FANCA: variants seen among roughly 807,000 people sequenced by gnomAD.
FANCA encodes Fanconi anemia group A protein.
In FANCA, 236 loss-of-function variants were observed where a neutral mutation model predicts 194.3. The observed-to-expected ratio is 1.21, with a 90% confidence interval of 1.09 to 1.35. The LOEUF (loss-of-function observed/expected upper bound fraction) is 1.35, where lower values mean the gene tolerates loss of function less well. FANCA is among the 40% of genes most tolerant of loss of function. The pLI is 0.00. For synonymous variants in FANCA, 1,014 were observed against 715.8 expected (o/e 1.42, Z -6.65); for missense variants, 2,628 against 1,813.9 (o/e 1.45, Z -8.15).
Position 89,779,084 on chromosome 16 carries a change from G to A in FANCA, c.1716-81C>T, listed in dbSNP as rs983166782. 5.1e-6 allele frequency: 7 copies of A among 1,359,958 alleles called. No individual in the cohort carries two copies. The African/African-American group carries it at 7.2e-5, about 14-fold the overall frequency. 84.2% of individuals were successfully genotyped at this position (1,359,958 alleles called of 1,614,324 possible). A position where few individuals can be genotyped will look rare whatever the true frequency, so the allele number is the denominator to read the frequency against. The stretch of plus-strand genomic sequence containing the variant: ...CACAGACGGTGACCGGTGTTTCAGA[G>A]AGTGGACTGCGAGGGCTCACTCCAA... On this transcript the variant is annotated intron_variant, in intron 18 of 42. Transcript: ENST00000389301.
Position 89,738,544 on chromosome 16 carries a change from A to G in FANCA, c.*57T>C, listed in dbSNP as rs2062026108. ...TTTAGTGCAACAAGAGCTCCATGTTATGCTTGTAATAAATTATTTACACGG... is the reference window on the plus strand; with the variant it reads ...TTTAGTGCAACAAGAGCTCCATGTTGTGCTTGTAATAAATTATTTACACGG... On this transcript the variant is annotated 3_prime_UTR_variant, in exon 43 of 43. Transcript: ENST00000389301. 6 of 1,610,402 alleles carry G rather than the reference A, an allele frequency of 3.7e-6. No individual in the cohort carries two copies. Among genetic ancestry groups the G allele is most frequent in the Non-Finnish European group, 5.1e-6 (6 of 1,178,558 alleles).
chr16:89,786,166 G>C lies in FANCA; in HGVS notation c.1360-1202C>G, dbSNP rs994653553. Reference sequence around the variant, plus strand: ...CCCAAGTAGCTGGGACTACAAGCACGTGCCACCAAGCCCGGTTTTTTTTTT... The same window carrying C: ...CCCAAGTAGCTGGGACTACAAGCACCTGCCACCAAGCCCGGTTTTTTTTTT... On this transcript the variant is annotated intron_variant, in intron 14 of 42. Coordinates refer to ENST00000389301, the MANE Select transcript of FANCA (RefSeq NM_000135.4). Among the ~76,000 whole-genome samples the C allele has an allele frequency of 5.7e-5, 8 of 141,332 alleles. No individual in the cohort carries two copies. In the East Asian group the frequency reaches 1.9e-3, roughly 33 times the overall value. The allele number at this position is 141,332 out of a possible 152,430, so 92.7% of individuals were successfully genotyped here. A position where few individuals can be genotyped will look rare whatever the true frequency, so the allele number is the denominator to read the frequency against.
chr16:89,789,899 G>A lies in FANCA; in HGVS notation c.1359+1504C>T, dbSNP rs568374349. Among the ~76,000 whole-genome samples the A allele has an allele frequency of 1.1e-4, 17 of 152,216 alleles. No homozygotes were observed. The South Asian group carries it at 3.3e-3, about 30-fold the overall frequency. Reference sequence around the variant, plus strand: ...ACAGGGGTTGCCCAGGGATCCCTGAGGTCTCAGGAGCTCAGACTCAGTAGT... The same window carrying A: ...ACAGGGGTTGCCCAGGGATCCCTGAAGTCTCAGGAGCTCAGACTCAGTAGT... On this transcript the variant is annotated intron_variant, in intron 14 of 42. Transcript: ENST00000389301.
Position 89,799,573 on chromosome 16 carries a change from T to C in FANCA, c.826+32A>G, listed in dbSNP as rs1179992490. 3.7e-6 allele frequency: 6 copies of C among 1,604,326 alleles called. No individual in the cohort carries two copies. The African/African-American group carries it at 8.0e-5, about 21-fold the overall frequency. Reference sequence around the variant, plus strand: ...ATTGCTAATAAGCAAACTAAGTCATTTACAGTCTGGGCTGCAGTGCAATTA... The same window carrying C: ...ATTGCTAATAAGCAAACTAAGTCATCTACAGTCTGGGCTGCAGTGCAATTA... On this transcript the variant is annotated intron_variant, in intron 9 of 42. Coordinates refer to ENST00000389301, the MANE Select transcript of FANCA (RefSeq NM_000135.4).
At position 89,815,973 on chromosome 16, in the gene FANCA, C is replaced by G. The variant is rs759630319; in HGVS notation, c.93G>C (p.Lys31Asn). Residue 31 changes from lysine to asparagine, a missense_variant, in exon 2 of 43, where the codon AAG (lysine) becomes AAC (asparagine). Transcript: ENST00000389301. ...CCCTTTCAGGATTATATTTTTCCCTCTTGACCCTTCCCGCTACGGAGAGAA... is the reference window on the plus strand; with the variant it reads ...CCCTTTCAGGATTATATTTTTCCCTGTTGACCCTTCCCGCTACGGAGAGAA... ...AWAELLAGRV[K>N]REKYNPERAQ... 20 of 1,613,650 alleles carry G rather than the reference C, an allele frequency of 1.2e-5. No individual in the cohort carries two copies. In the East Asian group the frequency reaches 4.0e-4, roughly 32 times the overall value.
chr16:89,798,420 A>G (rs17226040), intron 10 of FANCA: 28 of 1,080,346 alleles, frequency 2.6e-5, no homozygotes, highest in Non-Finnish European at 3.2e-5. Flanking sequence ...AACACATTTA[A>G]TTGAGCAGTT....
At position 89,815,821 on chromosome 16, in the gene FANCA, G is replaced by A; in HGVS notation, c.189+56C>T. 3.0e-6 allele frequency: 4 copies of A among 1,328,208 alleles called. No individual in the cohort carries two copies. In the South Asian group the frequency reaches 3.5e-5, roughly 12 times the overall value. The allele number at this position is 1,328,208 out of a possible 1,614,324, so 82.3% of individuals were successfully genotyped here. A position where few individuals can be genotyped will look rare whatever the true frequency, so the allele number is the denominator to read the frequency against. On this transcript the variant is annotated intron_variant, in intron 2 of 42. Coordinates refer to ENST00000389301, the MANE Select transcript of FANCA (RefSeq NM_000135.4). Reference sequence around the variant, plus strand: ...TCTTAGGAAAGCTGTGCGGTGGCTGGACTCAAAAACCCCGAACCTAAATCT... The same window carrying A: ...TCTTAGGAAAGCTGTGCGGTGGCTGAACTCAAAAACCCCGAACCTAAATCT...
chr16:89,750,955 C>A (rs1220666570), intron 31 of FANCA, among the ~76,000 whole-genome samples: 2 of 152,188 alleles, frequency 1.3e-5, no homozygotes, highest in African/African-American at 4.8e-5. Flanking sequence ...TGCGGCAGTG[C>A]AGTCTTGGCT....
rs1040814415 is a variant in FANCA, at chr16:89,740,528, C to A, written c.3828+276G>T. On this transcript the variant is annotated intron_variant, in intron 38 of 42. Transcript: ENST00000389301. ...ACTCACGCCTGTAATCCCAGCTACTCGGGAGGCTGATGCAGGAGAATTGCT... is the reference window on the plus strand; with the variant it reads ...ACTCACGCCTGTAATCCCAGCTACTAGGGAGGCTGATGCAGGAGAATTGCT... 4 of 502,584 alleles carry A rather than the reference C, an allele frequency of 8.0e-6. No homozygotes were observed. The Admixed American group carries it at 1.4e-4, about 18-fold the overall frequency. The allele number at this position is 502,584 out of a possible 1,614,324, so 31.1% of individuals were successfully genotyped here.
intron 14 of FANCA, among the ~76,000 whole-genome samples, chr16:89,790,214 C>T (rs1295579815): frequency 6.6e-6 from 1 of 151,584 alleles, no homozygotes; most frequent in Non-Finnish European, 1.5e-5. Context: ...CCAGCCTGAC[C>T]AACATGATGA....
chr16:89,775,856 T>G (rs1189289694), intron 20 of FANCA, 41 bp from the exon 21 acceptor site: 1 of 1,326,708 alleles, frequency 7.5e-7, no homozygotes, highest in Admixed American at 1.8e-5. Context: ...CAGCTATGGC[T>G]TAAATTAATT....
In FANCA at chr16:89,740,051, C is replaced by T. The variant is rs1015729981; in HGVS notation, c.3877G>A (p.Glu1293Lys). 8.1e-6 allele frequency: 13 copies of T among 1,614,170 alleles called. No individual in the cohort carries two copies. The highest frequency in any genetic ancestry group is 4.5e-5 in the East Asian group (2 of 44,880). ...GATATCTTCCTCTTCTCTAAACACT[C>T]GAGGATTGCTGCACAAACGTGGAAA... ...KAFHVCAAIL[E>K]CLEKRKISWL... The change falls in exon 39 of 43, where the codon GAG becomes AAG. Residue 1293 changes from glutamate (E) to lysine (K), a missense_variant. By Grantham distance (56) the Glu-to-Lys change is moderately conservative. Coordinates refer to ENST00000389301, the MANE Select transcript of FANCA (RefSeq NM_000135.4).
intron 13 of FANCA, 93 bp from the exon 14 acceptor site, chr16:89,791,629 G>C: frequency 1.9e-6 from 3 of 1,547,154 alleles, no homozygotes; most frequent in Non-Finnish European, 2.6e-6. Flanking sequence ...ATTCCAGAAG[G>C]AGACTGTGCA....
rs2062009705 is a variant in FANCA at position 89,738,116 on chromosome 16, A to C, written c.*485T>G. ...GAGAAGGCCCACAACCTCAATGTAC[A>C]CATGTCCATGGTGCACCCGCTGACA... On this transcript the variant is annotated 3_prime_UTR_variant, in exon 43 of 43. Coordinates refer to ENST00000389301, the MANE Select transcript of FANCA (RefSeq NM_000135.4). The C allele has an allele frequency of 1.2e-6, 2 of 1,613,844 alleles. No homozygotes were observed. Among genetic ancestry groups the C allele is most frequent in the African/African-American group, 1.3e-5 (1 of 75,032 alleles).
intron 30 of FANCA, among the ~76,000 whole-genome samples, chr16:89,753,910 A>G (rs189573632): frequency 6.6e-6 from 1 of 152,018 alleles, no homozygotes; most frequent in Non-Finnish European, 1.5e-5. Flanking sequence ...CAAAAATTAG[A>G]CGGGCGTGTT....
intron 28 of FANCA, among the ~76,000 whole-genome samples, chr16:89,764,390 C>T (rs925381380): frequency 6.6e-6 from 1 of 152,126 alleles, no homozygotes; most frequent in Non-Finnish European, 1.5e-5. Flanking sequence ...CTGCAACCTC[C>T]ACCTCCTGGG....
chr16:89,740,588 A>T, intron 38 of FANCA: 1 of 580,698 alleles, frequency 1.7e-6, no homozygotes, highest in Non-Finnish European at 3.1e-6. Flanking sequence ...GTGAGCTGAG[A>T]TCACACCACT....
intron 8 of FANCA, among the ~76,000 whole-genome samples, chr16:89,802,877 T>A (rs955846336): frequency 6.6e-6 from 1 of 152,160 alleles, no homozygotes; most frequent in Non-Finnish European, 1.5e-5. Context: ...GAACGAGAGA[T>A]ACCAGAGATG....
At chr16:89,792,861 A>T (rs2040122460) in intron 11 of FANCA, 2 of 373,370 alleles carry the variant, frequency 5.4e-6, no homozygotes, top group Admixed American at 7.4e-5. Flanking sequence ...TGTCCACTGG[A>T]TAGGGGGCCC....
Sources: gnomAD v4.1 joint callset for allele counts (sites outside exome capture counted in the v4.1 genomes callset) on GRCh38, gnomAD v4.1.1 for gene constraint, MANE v1.5 for transcripts, NCBI Gene and HGNC (gene_info 2026-07-23, HGNC 2026-07-21) for gene names.